Variants in SFTPB observed in about 807,000 individuals in gnomAD.
SFTPB encodes the protein pulmonary surfactant-associated protein B.
A neutral mutation model predicts 51.0 loss-of-function variants in SFTPB; 32 were observed. The ratio of observed to expected loss-of-function variants is 0.63; its 90% confidence interval spans 0.47 to 0.84. The LOEUF is 0.84. Ranked by LOEUF, SFTPB falls within the 40% of genes least tolerant of loss-of-function variation. SFTPB has a pLI of 0.00. For missense variants in SFTPB, 431 were observed against 491.2 expected, an observed-to-expected ratio of 0.88 and a Z score of 1.16; for synonymous variants, 211 against 208.5, an observed-to-expected ratio of 1.01 and a Z score of -0.10.
chr2:85,667,908 G>C lies in SFTPB; in HGVS notation c.68-102C>G, dbSNP rs1182009176. 13 of 1,530,746 alleles carry C rather than the reference G, an allele frequency of 8.5e-6. No individual in the cohort carries two copies. In the East Asian group the frequency reaches 2.8e-4, roughly 33 times the overall value. 94.8% of individuals were successfully genotyped at this position (1,530,746 alleles called of 1,614,324 possible). A position where few individuals can be genotyped will look rare whatever the true frequency, so the allele number is the denominator to read the frequency against. ...GACCCAGTTTTGCTGGGAGTGTGAG[G>C]CCATTAAACATGTGGACGTCAGACA... On this transcript the variant is annotated intron_variant, in intron 1 of 10. Transcript: ENST00000519937.
Position 85,658,475 on chromosome 2 carries a change from T to C in SFTPB, c.*1227A>G, listed in dbSNP as rs1477621844. The C allele has an allele frequency of 6.6e-6, 1 of 152,168 alleles. No homozygotes were observed. The highest frequency in any genetic ancestry group is 1.9e-4 in the East Asian group (1 of 5,172). The allele number at this position is 152,168 out of a possible 1,614,324, so 9.4% of individuals were successfully genotyped here. ...AGGCCTGGGCCCGCTGACTTCAGGG[T>C]GAGGCCACAGCTACTGCAGCGCTTT... On this transcript the variant is annotated 3_prime_UTR_variant, in exon 11 of 11. Transcript: ENST00000519937.
At chr2:85,667,306 C>T (rs1005632137) in intron 2 of SFTPB, 129 bp from the exon 3 acceptor site, 3 of 740,334 alleles carry the variant, frequency 4.1e-6, no homozygotes, top group Non-Finnish European at 4.9e-6. Context: ...ACCAGCCCAA[C>T]TTGTCCCATC....
chr2:85,667,541 T>A, intron 2 of SFTPB, 138 bp downstream of exon 2: 1 of 1,118,194 alleles, frequency 8.9e-7, no homozygotes, highest in Non-Finnish European at 1.4e-6. Context: ...TTCCATTTTA[T>A]CCTATCTCAT....
At chr2:85,661,377 G>A (rs1677280371) in intron 10 of SFTPB, 77 bp downstream of exon 10, 1 of 1,023,164 alleles carries the variant, frequency 9.8e-7, no homozygotes, top group African/African-American at 1.6e-5. Flanking sequence ...TCCTGCTTGG[G>A]GAGCAGAAGG....
In SFTPB at chr2:85,665,640, C is replaced by A; in HGVS notation, c.548G>T (p.Gly183Val). ...AGGCCCAGGCCTCGCCTGGAGGGCC[C>A]CGGGCAGCACAGGGAGGACGAGCTT... is the stretch of plus-strand genomic sequence containing the variant. Reference protein sequence around the residue: ...LDKLVLPVLPGALQARPGPHT... With the variant: ...LDKLVLPVLPVALQARPGPHT... Residue 183 changes from glycine to valine, a missense_variant, in exon 5 of 11, where the codon GGG (glycine) becomes GTG (valine). Gly to Val is a moderately radical substitution (Grantham distance 109, BLOSUM62 -3). Coordinates refer to ENST00000519937, the MANE Select transcript of SFTPB (RefSeq NM_000542.5). The A allele has an allele frequency of 6.2e-7, 1 of 1,614,050 alleles. No homozygotes were observed. The highest frequency in any genetic ancestry group is 8.5e-7 in the Non-Finnish European group (1 of 1,180,030).
Position 85,665,355 on chromosome 2 carries a change from G to A in SFTPB, c.606C>T (p.Pro202=), listed in dbSNP as rs1381801863. 1.2e-6 allele frequency: 2 copies of A among 1,613,890 alleles called. No individual in the cohort carries two copies. The highest frequency in any genetic ancestry group is 1.3e-5 in the African/African-American group (1 of 74,930). ...AGAGCCAGCAATAGGGGAGAGGAAT[G>A]GGGAATTGCTGCTCGGAGAGATCCT... ...HTQDLSEQQF[P]IPLPYCWLCR... Residue 202 remains proline, a synonymous_variant, in exon 6 of 11, where the codon CCC becomes CCT. Coordinates refer to ENST00000519937, the MANE Select transcript of SFTPB (RefSeq NM_000542.5).
intron 4 of SFTPB, 170 bp downstream of exon 4, chr2:85,666,445 GTC>G (rs1677625763): frequency 1.7e-6 from 1 of 589,606 alleles, no homozygotes; most frequent in Non-Finnish European, 3.1e-6. Flanking sequence ...GTGTGTGTGT[GTC>G]CGGCTGGCTG....
intron 4 of SFTPB, chr2:85,666,407 C>T: frequency 2.2e-6 from 1 of 455,242 alleles, no homozygotes; most frequent in South Asian, 2.0e-5. Flanking sequence ...GTGTGTGTGT[C>T]CGGCCAGCTG....
At chr2:85,667,014 T>C (rs1176146507) in intron 3 of SFTPB, 92 bp downstream of exon 3, 3 of 1,228,522 alleles carry the variant, frequency 2.4e-6, no homozygotes, top group Non-Finnish European at 3.6e-6. Context: ...CTCCTCAGCC[T>C]GGAAATGGCC....
At chr2:85,666,519 GT>G (rs1677643394) in intron 4 of SFTPB, 97 bp downstream of exon 4, 8 of 1,193,398 alleles carry the variant, frequency 6.7e-6, no homozygotes, top group East Asian at 2.6e-5. Flanking sequence ...GTGTGTGTGT[GT>G]GTCTGGCTGG....
upstream of SFTPB, chr2:85,668,534 G>A: frequency 2.8e-6 from 1 of 354,244 alleles, no homozygotes; most frequent in Non-Finnish European, 5.3e-6. Flanking sequence ...GGCAGCCTGG[G>A]TGTTCCCCTC....
rs1677182583 is a variant in SFTPB, at chr2:85,659,374, C to T, written c.*328G>A. On this transcript the variant is annotated 3_prime_UTR_variant, in exon 11 of 11. Transcript: ENST00000519937. Reference sequence around the variant, plus strand: ...TGGCTGGTTTTTCCTGAGCCCAGCCCTGGGAGGTCGTGGTAGGTGTGGAGG... The same window carrying T: ...TGGCTGGTTTTTCCTGAGCCCAGCCTTGGGAGGTCGTGGTAGGTGTGGAGG... 6.6e-6 allele frequency: 1 copy of T among 152,254 alleles called. No homozygotes were observed. The highest frequency in any genetic ancestry group is 1.5e-5 in the Non-Finnish European group (1 of 68,100). 9.4% of individuals were successfully genotyped at this position (152,254 alleles called of 1,614,324 possible).
intron 4 of SFTPB, 67 bp from the exon 5 acceptor site, chr2:85,665,861 C>T (rs45616140): frequency 6.0e-5 from 90 of 1,506,370 alleles, no homozygotes; most frequent in Non-Finnish European, 8.0e-5. Flanking sequence ...TCAGGCCGGC[C>T]CAAGGGCTCA....
intron 8 of SFTPB, 101 bp from the exon 9 acceptor site, chr2:85,662,210 C>G (rs1000847057): frequency 2.5e-5 from 38 of 1,540,582 alleles, no homozygotes; most frequent in Non-Finnish European, 3.3e-5. Context: ...AGGGCTCCCT[C>G]CCGACTCCTC....
chr2:85,666,532 T>C, intron 4 of SFTPB, 85 bp downstream of exon 4: 1 of 1,405,438 alleles, frequency 7.1e-7, no homozygotes, highest in Non-Finnish European at 9.9e-7. Context: ...TCTGGCTGGC[T>C]GGGGTGCTGT....
intron 4 of SFTPB, 94 bp downstream of exon 4, chr2:85,666,521 GTC>G (rs369459273): frequency 2.7e-5 from 32 of 1,164,270 alleles, no homozygotes; most frequent in Non-Finnish European, 3.3e-5. Flanking sequence ...GTGTGTGTGT[GTC>G]TGGCTGGCTG....
At position 85,668,129 on chromosome 2, in the gene SFTPB, C is replaced by G. The variant is rs1358662762; in HGVS notation, c.55G>C (p.Gly19Arg). ...GGGGGAGACTCACCAGTGCCTGGGC[C>G]ACAGAGCGTGGGCAGCAGCAGCAGC... ...WLLLLLPTLCGPGTAAWTTSS... is the reference protein window; with the variant it reads ...WLLLLLPTLCRPGTAAWTTSS... Residue 19 changes from glycine (G) to arginine (R), a missense_variant, in exon 1 of 11, where the codon GGC (glycine) becomes CGC (arginine). Coordinates refer to ENST00000519937, the MANE Select transcript of SFTPB (RefSeq NM_000542.5). 2 of 1,551,296 alleles carry G rather than the reference C, an allele frequency of 1.3e-6. No individual in the cohort carries two copies. The highest frequency in any genetic ancestry group is 1.7e-6 in the Non-Finnish European group (2 of 1,146,790).
intron 8 of SFTPB, among the ~76,000 whole-genome samples, chr2:85,662,666 C>G (rs1427693643): frequency 6.6e-6 from 1 of 151,958 alleles, no homozygotes; most frequent in African/African-American, 2.4e-5. Context: ...TATGGTGAAA[C>G]CTTGTCTCTA....
rs564463967 is a variant in SFTPB at position 85,657,658 on chromosome 2, T to A, written c.*2044A>T. On this transcript the variant is annotated 3_prime_UTR_variant, in exon 11 of 11. Coordinates refer to ENST00000519937, the MANE Select transcript of SFTPB (RefSeq NM_000542.5). ...ATTGTGGGTGTCACATGCTTCCCTGTGAAGAGACTACCAAACAGGCTTTGT... is the reference window on the plus strand; with the variant it reads ...ATTGTGGGTGTCACATGCTTCCCTGAGAAGAGACTACCAAACAGGCTTTGT... 1.3e-5 allele frequency: 2 copies of A among 152,220 alleles called. No homozygotes were observed. The allele number at this position is 152,220 out of a possible 1,614,324, so 9.4% of individuals were successfully genotyped here.
Sources: allele counts gnomAD v4.1 joint callset (sites outside exome capture counted in the v4.1 genomes callset), GRCh38; gene constraint gnomAD v4.1.1; transcripts MANE v1.5; gene names NCBI Gene and HGNC (gene_info 2026-07-23, HGNC 2026-07-21).